The following ARFGEF2 variants were observed in gnomAD, a reference collection of about 807,000 sequenced individuals.
ARFGEF2 encodes the protein ARF guanine nucleotide exchange factor 2.
Under a neutral mutation model 219.9 loss-of-function variants are expected in ARFGEF2, and 74 were observed. The observed-to-expected ratio is 0.34, with a 90% confidence interval of 0.28 to 0.41. The LOEUF is 0.41. Ranked by LOEUF, ARFGEF2 falls within the 10% of genes least tolerant of loss-of-function variation. The pLI is 1.00. For missense variants in ARFGEF2, 1,743 were observed against 2,218.3 expected, an observed-to-expected ratio of 0.79 and a Z score of 4.30; for synonymous variants, 733 against 799.2, an observed-to-expected ratio of 0.92 and a Z score of 1.40.
chr20:49,000,921 C>T (rs2091421149), intron 25 of ARFGEF2, among the ~76,000 whole-genome samples: 1 of 152,116 alleles, frequency 6.6e-6, no homozygotes, highest in South Asian at 2.1e-4. Context: ...TATGTATGGA[C>T]CACTTACAGG....
rs766629171 is a variant in ARFGEF2, at chr20:48,953,729, T to C, written c.777T>C (p.Asp259=). The change falls in exon 6 of 39, where the codon GAT becomes GAC. Residue 259 remains aspartate, a synonymous_variant. Coordinates refer to ENST00000371917, the MANE Select transcript of ARFGEF2 (RefSeq NM_006420.3). Reference sequence around the variant, plus strand: ...CCAACGGTGAACATGCCAGGAGTGATTCTGGAAAAGTAAGCACAGAAAATG... The same window carrying C: ...CCAACGGTGAACATGCCAGGAGTGACTCTGGAAAAGTAAGCACAGAAAATG... ...DLTNGEHARS[D]SGKVSTENGD... 6.2e-7 allele frequency: 1 copy of C among 1,614,164 alleles called. No homozygotes were observed. Among genetic ancestry groups the C allele is most frequent in the Admixed American group, 1.7e-5 (1 of 60,008 alleles).
At position 49,035,717 on chromosome 20, in the gene ARFGEF2, A is replaced by T. The variant is rs707533; in HGVS notation, c.*2518A>T. ...TCAGAATGCTTTAAGTGTTGATTAT[A>T]TGTGCTGGGTCTCTAGAGAAGTTTT... is the stretch of plus-strand genomic sequence containing the variant. On this transcript the variant is annotated 3_prime_UTR_variant, in exon 39 of 39. Transcript: ENST00000371917. The T allele has an allele frequency of 6.6e-6, 1 of 152,668 alleles. No homozygotes were observed. Among genetic ancestry groups the T allele is most frequent in the Non-Finnish European group, 1.5e-5 (1 of 68,496 alleles). The allele number at this position is 152,668 out of a possible 1,614,324, so 9.5% of individuals were successfully genotyped here. A position where few individuals can be genotyped will look rare whatever the true frequency, so the allele number is the denominator to read the frequency against.
chr20:49,001,972 C>T (rs2091427834), intron 25 of ARFGEF2, among the ~76,000 whole-genome samples: 1 of 152,236 alleles, frequency 6.6e-6, no homozygotes, highest in Admixed American at 6.5e-5. Context: ...ACAGGCCGGG[C>T]ACAGTAGCTC....
At chr20:48,942,737 A>G (rs564672186) in intron 3 of ARFGEF2, among the ~76,000 whole-genome samples, 1 of 152,026 alleles carries the variant, frequency 6.6e-6, no homozygotes, top group Non-Finnish European at 1.5e-5. Context: ...GTTAAAATTC[A>G]TATCAAGTAG....
At chr20:49,006,785 C>T (rs2091462524) in intron 26 of ARFGEF2, among the ~76,000 whole-genome samples, 1 of 152,074 alleles carries the variant, frequency 6.6e-6, no homozygotes, top group African/African-American at 2.4e-5. Context: ...GAAGTCCCTC[C>T]CAGTGGTGGC....
At chr20:49,024,071 A>G (rs1416642411) in intron 35 of ARFGEF2, among the ~76,000 whole-genome samples, 1 of 152,148 alleles carries the variant, frequency 6.6e-6, no homozygotes, top group Non-Finnish European at 1.5e-5. Context: ...TCCCAGGCTC[A>G]GGTGATTCCC....
chr20:48,998,310 C>G, intron 24 of ARFGEF2, 26 bp from the exon 25 acceptor site: 1 of 1,614,126 alleles, frequency 6.2e-7, no homozygotes, highest in Non-Finnish European at 8.5e-7. Flanking sequence ...CGAGGCTTTG[C>G]TTGTGTTGTT....
At chr20:48,941,296 C>G in intron 2 of ARFGEF2, 67 bp downstream of exon 2, 2 of 1,517,372 alleles carry the variant, frequency 1.3e-6, no homozygotes, top group Non-Finnish European at 1.8e-6. Flanking sequence ...CTGGGGGAGC[C>G]TCTTTCTCTG....
chr20:49,023,211 C>T (rs749421243), intron 35 of ARFGEF2, 30 bp downstream of exon 35: 13 of 1,613,326 alleles, frequency 8.1e-6, no homozygotes, highest in Non-Finnish European at 1.1e-5. Flanking sequence ...GGAAGAGCAT[C>T]CCTGTCCATA....
In ARFGEF2 at chr20:49,028,679, T is replaced by G; in HGVS notation, c.5063+11T>G. On this transcript the variant is annotated intron_variant, in intron 37 of 38. Coordinates refer to ENST00000371917, the MANE Select transcript of ARFGEF2 (RefSeq NM_006420.3). ...GCAGAGACTTTTAACGTAAGAAAAT[T>G]AGTTTCTGATTAGATTTCTATCTGC... The G allele has an allele frequency of 6.2e-7, 1 of 1,613,088 alleles. No individual in the cohort carries two copies.
chr20:48,937,224 G>T (rs892108837), intron 1 of ARFGEF2, among the ~76,000 whole-genome samples: 1 of 152,140 alleles, frequency 6.6e-6, no homozygotes, highest in Admixed American at 6.5e-5. Context: ...CCCTGCTTCT[G>T]TCCTGGCCAC....
intron 25 of ARFGEF2, among the ~76,000 whole-genome samples, chr20:49,004,101 A>G (rs966059568): frequency 6.6e-6 from 1 of 151,992 alleles, no homozygotes; most frequent in Admixed American, 6.6e-5. Flanking sequence ...GTGGTGGCTT[A>G]CTCCTGTAAT....
chr20:48,931,643 A>C (rs1186085223), intron 1 of ARFGEF2, among the ~76,000 whole-genome samples: 1 of 147,308 alleles, frequency 6.8e-6, no homozygotes, highest in African/African-American at 2.5e-5. Flanking sequence ...ATCTGAAGGA[A>C]GTGAGGGGGT....
chr20:49,021,721 T>C (rs895870897), intron 34 of ARFGEF2, among the ~76,000 whole-genome samples: 6 of 150,112 alleles, frequency 4.0e-5, no homozygotes, highest in South Asian at 2.1e-4. Flanking sequence ...TGGTGCCGGG[T>C]GCCTGTAGTC....
chr20:48,962,288 T>A (rs1489556634), intron 6 of ARFGEF2, among the ~76,000 whole-genome samples: 1 of 152,218 alleles, frequency 6.6e-6, no homozygotes, highest in Non-Finnish European at 1.5e-5. Flanking sequence ...ATATGACTGG[T>A]AGCACAGTAG....
In ARFGEF2 at chr20:49,016,499, G is replaced by A. The variant is rs1450737393; in HGVS notation, c.4315+84G>A. 20 of 1,437,988 alleles carry A rather than the reference G, an allele frequency of 1.4e-5. No individual in the cohort carries two copies. In the South Asian group the frequency reaches 1.6e-4, roughly 12 times the overall value. 89.1% of individuals were successfully genotyped at this position (1,437,988 alleles called of 1,614,324 possible). The stretch of plus-strand genomic sequence containing the variant: ...TTTTTCAATATTTAAAAGCATGGAT[G>A]TAGTGCCATGGAGTACAATATATAA... On this transcript the variant is annotated intron_variant, in intron 31 of 38. Coordinates refer to ENST00000371917, the MANE Select transcript of ARFGEF2 (RefSeq NM_006420.3).
intron 27 of ARFGEF2, among the ~76,000 whole-genome samples, chr20:49,011,617 T>C (rs1449519129): frequency 6.6e-6 from 1 of 152,208 alleles, no homozygotes; most frequent in Non-Finnish European, 1.5e-5. Flanking sequence ...TCTATGGAAA[T>C]TTTTAGGCAT....
At position 48,985,494 on chromosome 20, in the gene ARFGEF2, A is replaced by C; in HGVS notation, c.2157A>C (p.Glu719Asp). Residue 719 changes from glutamate to aspartate, a missense_variant, in exon 16 of 39, where the codon GAA (glutamate) becomes GAC (aspartate). By Grantham distance (45) the Glu-to-Asp change is conservative. This residue lies in a region of ARFGEF2 where 666 missense variants were observed against 955.4 expected (regional missense o/e 0.70). Coordinates refer to ENST00000371917, the MANE Select transcript of ARFGEF2 (RefSeq NM_006420.3). Reference protein sequence around the residue: ...YAYVDQLDFCEKEFVSALRTF... With the variant: ...YAYVDQLDFCDKEFVSALRTF... ...ACGTGGACCAACTTGACTTCTGTGAAAAAGAATTTGTCTCAGCCCTGCGGA... is the reference window on the plus strand; with the variant it reads ...ACGTGGACCAACTTGACTTCTGTGACAAAGAATTTGTCTCAGCCCTGCGGA... 1 of 1,614,210 alleles carries C rather than the reference A, an allele frequency of 6.2e-7. No individual in the cohort carries two copies. Among genetic ancestry groups the C allele is most frequent in the East Asian group, 2.2e-5 (1 of 44,888 alleles).
intron 35 of ARFGEF2, among the ~76,000 whole-genome samples, chr20:49,023,854 C>G (rs182793606): frequency 5.5e-4 from 83 of 152,220 alleles, no homozygotes; most frequent in Admixed American, 4.0e-3. Flanking sequence ...ACAGTTTAAT[C>G]ACAAATAAGT....
Sources: allele counts gnomAD v4.1 joint callset (sites outside exome capture counted in the v4.1 genomes callset), GRCh38; gene constraint gnomAD v4.1.1; regional missense constraint gnomAD v4.1.1; transcripts MANE v1.5; gene names NCBI Gene and HGNC (gene_info 2026-07-23, HGNC 2026-07-21).